TRIOBP: variants seen among roughly 807,000 people sequenced by gnomAD.
TRIOBP encodes TRIO and F-actin binding protein.
In TRIOBP, 169 loss-of-function variants were observed where a neutral mutation model predicts 238.8. The observed-to-expected ratio is 0.71, with a 90% CI of 0.62 to 0.80. The LOEUF is 0.80. TRIOBP is among the 30% of genes least tolerant of loss of function. The pLI, the probability that TRIOBP is intolerant of heterozygous loss-of-function variation, is 0.00. For synonymous variants in TRIOBP, 1,150 were observed against 1,274.4 expected, an observed-to-expected ratio of 0.90 and a Z score of 2.08; for missense variants, 2,838 against 3,122.6, an observed-to-expected ratio of 0.91 and a Z score of 2.17.
intron 17 of TRIOBP, among the ~76,000 whole-genome samples, chr22:37,762,687 G>A (rs1323376033): frequency 6.6e-6 from 1 of 152,202 alleles, no homozygotes; most frequent in Non-Finnish European, 1.5e-5. Flanking sequence ...GTGGAGGAGT[G>A]ACCCCAGATG....
In TRIOBP at chr22:37,734,949, G is replaced by A; in HGVS notation, c.4613G>A (p.Gly1538Asp). ...CACTCTGGGACACCCACTGCTGTGG[G>A]CTGGGGGGCAGAGGGAGCGTGTCCA... ...SWHSGTPTAV[G>D]WGAEGACPYP... The change falls in exon 9 of 24, where the codon GGC becomes GAC. Residue 1538 changes from glycine (G) to aspartate (D), a missense_variant. By Grantham distance (94) the Gly-to-Asp change is moderately conservative. Around this residue, in one of 5 missense-constraint regions of TRIOBP, gnomAD observed 2,096 missense variants for 2,137.4 expected, o/e 0.98. Coordinates refer to ENST00000644935, the MANE Select transcript of TRIOBP (RefSeq NM_001039141.3). 6.2e-7 allele frequency: 1 copy of A among 1,613,476 alleles called. No individual in the cohort carries two copies. The highest frequency in any genetic ancestry group is 1.1e-5 in the South Asian group (1 of 91,082).
chr22:37,746,070 C>CGCCGCCT (rs1465947600), intron 11 of TRIOBP, among the ~76,000 whole-genome samples: 124 of 148,406 alleles, frequency 8.4e-4, no homozygotes, highest in Non-Finnish European at 1.5e-3. Flanking sequence ...TCCCGCCGCC[C>CGCCGCCT]CGCCGCCCTA....
chr22:37,771,491 C>T, intron 21 of TRIOBP, 159 bp from the exon 22 acceptor site: 1 of 657,748 alleles, frequency 1.5e-6, no homozygotes, highest in Middle Eastern at 4.2e-4. Context: ...TCGGAGAGGG[C>T]TTCCTGGAGG....
chr22:37,742,250 G>A (rs867296640), intron 11 of TRIOBP, among the ~76,000 whole-genome samples: 1 of 133,800 alleles, frequency 7.5e-6, no homozygotes, highest in African/African-American at 2.9e-5. Context: ...GAGCCACCAC[G>A]CCAGGCGTTT....
At chr22:37,717,791 G>A (rs902155458) in intron 6 of TRIOBP, among the ~76,000 whole-genome samples, 1 of 152,238 alleles carries the variant, frequency 6.6e-6, no homozygotes, top group Non-Finnish European at 1.5e-5. Flanking sequence ...AGTGGATCTC[G>A]TTCTGGGGCT....
rs918999859 is a variant in TRIOBP at position 37,726,642 on chromosome 22, C to A, written c.3947+139C>A. 5 of 863,608 alleles carry A rather than the reference C, an allele frequency of 5.8e-6. No homozygotes were observed. The African/African-American group carries it at 7.0e-5, about 12-fold the overall frequency. The allele number at this position is 863,608 out of a possible 1,614,324, so 53.5% of individuals were successfully genotyped here. On this transcript the variant is annotated intron_variant, in intron 7 of 23. Coordinates refer to ENST00000644935, the MANE Select transcript of TRIOBP (RefSeq NM_001039141.3). The stretch of plus-strand genomic sequence containing the variant: ...ACCGGCTGTGTGACCTTGGGCAAAT[C>A]GCTCCATTTCTCTGTTTCTGCATAT...
rs1348686410 is a variant in TRIOBP at position 37,719,996 on chromosome 22, C to G, written c.629-3189C>G. ...ACTCACTGTTTCACTCATCCCCCCC[C>G]GCCCTTTTTTTTTTTTTTTTTTTTT... On this transcript the variant is annotated intron_variant, in intron 6 of 23. Coordinates refer to ENST00000644935, the MANE Select transcript of TRIOBP (RefSeq NM_001039141.3). 8.2e-4 allele frequency among the ~76,000 whole-genome samples: 37 copies of G among 44,990 alleles called. 3 individuals are homozygous for G. The highest frequency in any genetic ancestry group is 3.2e-3 in the African/African-American group (34 of 10,770). The allele number at this position is 44,990 out of a possible 152,430, so 29.5% of individuals were successfully genotyped here. A position where few individuals can be genotyped will look rare whatever the true frequency, so the allele number is the denominator to read the frequency against.
At position 37,759,217 on chromosome 22, in the gene TRIOBP, C is replaced by G; in HGVS notation, c.6277C>G (p.Leu2093Val). 6.2e-7 allele frequency: 1 copy of G among 1,613,100 alleles called. No individual in the cohort carries two copies. Among genetic ancestry groups the G allele is most frequent in the Middle Eastern group, 1.7e-4 (1 of 6,060 alleles). Reference protein sequence around the residue: ...RLQGEAPQSALRSQEDGHIPP... With the variant: ...RLQGEAPQSAVRSQEDGHIPP... Reference sequence around the variant, plus strand: ...CCAAGGGGAGGCTCCTCAGAGTGCACTGAGATCCCAGGAGGATGGCCACAT... The same window carrying G: ...CCAAGGGGAGGCTCCTCAGAGTGCAGTGAGATCCCAGGAGGATGGCCACAT... The change falls in exon 17 of 24, where the codon CTG becomes GTG. Residue 2093 changes from leucine to valine, a missense_variant. Around this residue, in one of 5 missense-constraint regions of TRIOBP, gnomAD observed 2,096 missense variants for 2,137.4 expected, o/e 0.98. Coordinates refer to ENST00000644935, the MANE Select transcript of TRIOBP (RefSeq NM_001039141.3).
chr22:37,758,087 C>T lies in TRIOBP; in HGVS notation c.6162C>T (p.Arg2054=), dbSNP rs762843037. Residue 2054 remains arginine (R), a synonymous_variant, in exon 16 of 24, where the codon CGC becomes CGT. Transcript: ENST00000644935. ...VPLTALLNQS[R]GERRGPPSDG... is the part of the protein sequence containing the mutation. Reference sequence around the variant, plus strand: ...TCACTGCCCTGCTCAACCAAAGCCGCGGAGAGCGCCGAGGGCCCCCAAGTG... The same window carrying T: ...TCACTGCCCTGCTCAACCAAAGCCGTGGAGAGCGCCGAGGGCCCCCAAGTG... 6.8e-6 allele frequency: 11 copies of T among 1,611,064 alleles called. No individual in the cohort carries two copies. The highest frequency in any genetic ancestry group is 2.1e-4 in the Middle Eastern group (1 of 4,666).
rs1230290735 is a variant in TRIOBP, at chr22:37,754,381, TC to T, written c.5380-494del. Among the ~76,000 whole-genome samples, 5 of 133,084 alleles carry T rather than the reference TC, an allele frequency of 3.8e-5. No individual in the cohort carries two copies. The East Asian group carries it at 1.1e-3, about 30-fold the overall frequency. The allele number at this position is 133,084 out of a possible 152,430, so 87.3% of individuals were successfully genotyped here. On this transcript the variant is annotated intron_variant, in intron 12 of 23. Coordinates refer to ENST00000644935, the MANE Select transcript of TRIOBP (RefSeq NM_001039141.3). ...GTGAGTGGAGATTGCACCATTGCAC[TC>T]CAGCCTGGGCAACAAGAGCAAAACT...
At chr22:37,727,714 A>G (rs1316560567) in intron 7 of TRIOBP, among the ~76,000 whole-genome samples, 2 of 152,168 alleles carry the variant, frequency 1.3e-5, no homozygotes, top group Non-Finnish European at 2.9e-5. Flanking sequence ...ACCTATTTTA[A>G]GAAAGAAAGC....
At position 37,725,609 on chromosome 22, in the gene TRIOBP, T is replaced by C. The variant is rs751306863; in HGVS notation, c.3053T>C (p.Ile1018Thr). 6 of 1,613,830 alleles carry C rather than the reference T, an allele frequency of 3.7e-6. No individual in the cohort carries two copies. The highest frequency in any genetic ancestry group is 1.3e-5 in the African/African-American group (1 of 74,900). ...EPSQPPCAVC[I>T]GHRDAPRASS... The stretch of plus-strand genomic sequence containing the variant: ...TCCCAGCCTCCATGTGCTGTGTGCA[T>C]TGGGCACCGGGATGCCCCTCGAGCC... Residue 1018 changes from isoleucine to threonine, a missense_variant, in exon 7 of 24, where the codon ATT becomes ACT. Ile to Thr is a moderately conservative substitution (Grantham distance 89). This residue lies in a region of TRIOBP where 2,096 missense variants were observed against 2,137.4 expected (regional missense o/e 0.98). Transcript: ENST00000644935.
chr22:37,746,744 C>A (rs1336463431), intron 11 of TRIOBP, among the ~76,000 whole-genome samples: 5 of 152,370 alleles, frequency 3.3e-5, no homozygotes, highest in Admixed American at 6.5e-5. Context: ...CCTTTCCCAC[C>A]TCCCCTCCAG....
At chr22:37,746,434 T>C (rs775248425) in intron 11 of TRIOBP, 45 of 1,421,542 alleles carry the variant, frequency 3.2e-5, no homozygotes, top group Non-Finnish European at 4.1e-5. Context: ...AGTGCCCCAG[T>C]CAGCCGCCCG....
At chr22:37,758,785 C>T (rs770963608) in intron 16 of TRIOBP, among the ~76,000 whole-genome samples, 1 of 152,200 alleles carries the variant, frequency 6.6e-6, no homozygotes, top group Non-Finnish European at 1.5e-5. Context: ...ACAGCGGCCT[C>T]TACCCCTAGG....
At chr22:37,771,255 C>A (rs566010765) in intron 21 of TRIOBP, among the ~76,000 whole-genome samples, 2 of 152,280 alleles carry the variant, frequency 1.3e-5, no homozygotes, top group Admixed American at 6.5e-5. Flanking sequence ...CTTGTTTCCT[C>A]CTTGGTCAAG....
intron 6 of TRIOBP, among the ~76,000 whole-genome samples, chr22:37,718,495 G>C (rs565887794): frequency 6.6e-6 from 1 of 151,234 alleles, no homozygotes; most frequent in African/African-American, 2.4e-5. Flanking sequence ...CCAAGAGGCT[G>C]CTCAGCATCC....
intron 6 of TRIOBP, among the ~76,000 whole-genome samples, chr22:37,722,120 T>C (rs143113625): frequency 8.1e-4 from 123 of 152,232 alleles, no homozygotes; most frequent in African/African-American, 2.9e-3. Context: ...GCTACCAGTT[T>C]ATAAAAGGTT....
intron 17 of TRIOBP, among the ~76,000 whole-genome samples, chr22:37,760,977 AAAAAAAAAGAAAG>A (rs1164750642): frequency 1.3e-5 from 2 of 151,814 alleles, no homozygotes; most frequent in African/African-American, 4.8e-5. Context: ...TCTCAAAAAA[AAAAAAAAAGAAAG>A]AAAAGAAAAG....
Sources: gnomAD v4.1 joint callset for allele counts (sites outside exome capture counted in the v4.1 genomes callset) on GRCh38, gnomAD v4.1.1 for gene constraint, gnomAD v4.1.1 regional missense constraint, MANE v1.5 for transcripts, NCBI Gene and HGNC (gene_info 2026-07-23, HGNC 2026-07-21) for gene names.